The following NPAS3 variants were observed in gnomAD, a reference collection of about 807,000 sequenced individuals.
NPAS3 encodes the protein neuronal PAS domain protein 3.
Under a neutral mutation model 73.1 loss-of-function variants are expected in NPAS3, and 14 were observed. The observed-to-expected ratio is 0.19, with a 90% CI of 0.13 to 0.30. The LOEUF is 0.30. Ranked by LOEUF, NPAS3 falls within the 10% of genes least tolerant of loss-of-function variation. The pLI, the probability that NPAS3 is intolerant of heterozygous loss-of-function variation, is 1.00. For synonymous variants in NPAS3, 620 were observed against 541.5 expected, an observed-to-expected ratio of 1.14 and a Z score of -2.01; for missense variants, 1,096 against 1,250.0, an observed-to-expected ratio of 0.88 and a Z score of 1.86.
intron 4 of NPAS3, among the ~76,000 whole-genome samples, chr14:33,436,061 A>T (rs1003771368): frequency 3.3e-5 from 5 of 152,224 alleles, no homozygotes; most frequent in Non-Finnish European, 7.3e-5. Context: ...TCTAAGAACC[A>T]AATATCCTTT....
At chr14:33,568,770 G>T (rs1241494670) in intron 5 of NPAS3, among the ~76,000 whole-genome samples, 1 of 152,166 alleles carries the variant, frequency 6.6e-6, no homozygotes, top group Non-Finnish European at 1.5e-5. Context: ...CTGTAATAAG[G>T]AAATTGACTT....
At position 32,964,830 on chromosome 14, in the gene NPAS3, A is replaced by T. The variant is rs529592063; in HGVS notation, c.50+25464A>T. 9.2e-5 allele frequency among the ~76,000 whole-genome samples: 14 copies of T among 151,734 alleles called. No homozygotes were observed. In the South Asian group the frequency reaches 2.3e-3, roughly 25 times the overall value. On this transcript the variant is annotated intron_variant, in intron 1 of 11. Transcript: ENST00000356141. ...GTCTCTACAAAAAAAAAAAAGAAGAAGATTAGCTCGGTGTGGTGGTGCTAA... is the reference window on the plus strand; with the variant it reads ...GTCTCTACAAAAAAAAAAAAGAAGATGATTAGCTCGGTGTGGTGGTGCTAA...
At chr14:33,778,686 C>A in intron 9 of NPAS3, 114 bp downstream of exon 9, 1 of 700,118 alleles carries the variant, frequency 1.4e-6, no homozygotes. Context: ...TTTCAGATGA[C>A]TGTCAGTGTG....
At chr14:33,290,377 G>C (rs1482709139) in intron 3 of NPAS3, among the ~76,000 whole-genome samples, 9 of 152,204 alleles carry the variant, frequency 5.9e-5, no homozygotes, top group African/African-American at 2.2e-4. Flanking sequence ...CAAAACTAGG[G>C]AGCAACCAGC....
At chr14:33,497,875 C>T (rs2052289393) in intron 4 of NPAS3, among the ~76,000 whole-genome samples, 1 of 152,076 alleles carries the variant, frequency 6.6e-6, no homozygotes, top group African/African-American at 2.4e-5. Context: ...GAGCTCTACA[C>T]AGCAAACAAA....
intron 1 of NPAS3, among the ~76,000 whole-genome samples, chr14:32,964,782 T>C (rs560300860): frequency 2.0e-5 from 3 of 151,484 alleles, no homozygotes; most frequent in Non-Finnish European, 2.9e-5. Flanking sequence ...CAAGACCAGC[T>C]TGGGCAACAT....
chr14:33,313,948 CT>C (rs2043106598), intron 3 of NPAS3, among the ~76,000 whole-genome samples: 1 of 152,048 alleles, frequency 6.6e-6, no homozygotes, highest in South Asian at 2.1e-4. Flanking sequence ...TATTCAAGGT[CT>C]GCAGAGGCAA....
intron 5 of NPAS3, among the ~76,000 whole-genome samples, chr14:33,638,528 AATG>A (rs1201497552): frequency 6.6e-6 from 1 of 152,228 alleles, no homozygotes; most frequent in African/African-American, 2.4e-5. Flanking sequence ...CTGTAGATTA[AATG>A]ATAAATCATA....
rs2045905920 is a variant in NPAS3, at chr14:33,184,268, A to AT, written c.141-30910dup. Among the ~76,000 whole-genome samples, 3 of 152,112 alleles carry AT rather than the reference A, an allele frequency of 2.0e-5. No homozygotes were observed. In the South Asian group the frequency reaches 6.2e-4, roughly 32 times the overall value. On this transcript the variant is annotated intron_variant, in intron 2 of 11. Transcript: ENST00000356141. ...GAGATTTTAAGGATAGGCAGGTCTTATTTTGGAAAGGGGGAAGCGGCAGAG... is the reference window on the plus strand; with the variant it reads ...GAGATTTTAAGGATAGGCAGGTCTTATTTTTGGAAAGGGGGAAGCGGCAGAG...
chr14:33,559,109 G>C (rs2055507989), intron 4 of NPAS3, among the ~76,000 whole-genome samples: 1 of 152,058 alleles, frequency 6.6e-6, no homozygotes, highest in African/African-American at 2.4e-5. Flanking sequence ...AGTGGACTGA[G>C]GTTTTAGGAG....
At chr14:33,789,317 G>A (rs923243725) in intron 9 of NPAS3, among the ~76,000 whole-genome samples, 7 of 152,126 alleles carry the variant, frequency 4.6e-5, no homozygotes, top group Non-Finnish European at 1.0e-4. Flanking sequence ...GGGTGGGATG[G>A]TGCCAACAAG....
At chr14:33,207,269 A>G (rs59979387) in intron 2 of NPAS3, among the ~76,000 whole-genome samples, 1,439 of 139,652 alleles carry the variant, frequency 0.01, 20 homozygotes, top group African/African-American at 0.038. Context: ...ACACACACGC[A>G]CACACACACA....
intron 4 of NPAS3, among the ~76,000 whole-genome samples, chr14:33,532,975 C>G (rs1472080237): frequency 6.6e-6 from 1 of 152,042 alleles, no homozygotes; most frequent in Non-Finnish European, 1.5e-5. Context: ...GAGTTGTTTT[C>G]AAACAGAACC....
intron 1 of NPAS3, among the ~76,000 whole-genome samples, chr14:32,973,623 C>T (rs572686437): frequency 1.3e-5 from 2 of 151,416 alleles, no homozygotes; most frequent in Admixed American, 6.6e-5. Context: ...GCAACCTCCC[C>T]TTCCCGAGTT....
intron 4 of NPAS3, among the ~76,000 whole-genome samples, chr14:33,497,856 T>C (rs546506564): frequency 6.7e-6 from 1 of 150,220 alleles, no homozygotes; most frequent in Non-Finnish European, 1.5e-5. Context: ...GGGATCTAAT[T>C]AAACTAAAGA....
At chr14:33,052,994 A>G (rs1333857893) in intron 1 of NPAS3, among the ~76,000 whole-genome samples, 1 of 152,144 alleles carries the variant, frequency 6.6e-6, no homozygotes, top group Non-Finnish European at 1.5e-5. Flanking sequence ...AAAAAAATTC[A>G]TTTTGTTATG....
At chr14:33,785,434 C>CAAAAAAAA (rs1223437695) in intron 9 of NPAS3, among the ~76,000 whole-genome samples, 1 of 75,400 alleles carries the variant, frequency 1.3e-5, no homozygotes, top group Admixed American at 1.5e-4. Flanking sequence ...GACTCCATCT[C>CAAAAAAAA]AAAAAAAAAA....
chr14:33,215,700 G>T, intron 3 of NPAS3: 1 of 646,084 alleles, frequency 1.5e-6, no homozygotes, highest in Non-Finnish European at 2.8e-6. Context: ...ACATTAAAAT[G>T]CTTCTTGGGT....
chr14:33,800,032 C>G lies in NPAS3; in HGVS notation c.1725C>G (p.Leu575=). 1 of 1,609,900 alleles carries G rather than the reference C, an allele frequency of 6.2e-7. No individual in the cohort carries two copies. Residue 575 remains leucine (L), a synonymous_variant, in exon 12 of 12, where the codon CTC becomes CTG. Coordinates refer to ENST00000356141, the Ensembl canonical transcript of NPAS3. The surrounding 1 kb of genome is among the most constrained non-coding windows in gnomAD (Gnocchi z 6.5). ...TGCGGCTGCAGAACTGCGAGTCACT[C>G]ACGTCCGACAGCGCCAAGGACTCGG...
Sources: gnomAD v4.1 joint callset for allele counts (sites outside exome capture counted in the v4.1 genomes callset) on GRCh38, gnomAD v4.1.1 for gene constraint, Gnocchi (gnomAD v3.1) non-coding constraint, MANE v1.5 for transcripts, NCBI Gene and HGNC (gene_info 2026-07-23, HGNC 2026-07-21) for gene names.